The following METTL15 variants were observed in gnomAD, a reference collection of about 807,000 sequenced individuals.
METTL15 encodes the protein methyltransferase 15, mitochondrial 12S rRNA N4-cytidine.
A neutral mutation model predicts 38.3 loss-of-function variants in METTL15; 34 were observed. The ratio of observed to expected loss-of-function variants is 0.89; its 90% CI spans 0.68 to 1.18. The LOEUF (loss-of-function observed/expected upper bound fraction) is 1.18, where lower values mean the gene tolerates loss of function less well. Among genes scored for constraint, METTL15 ranks in the 50% most tolerant of loss-of-function variants. The pLI is 0.00. For missense variants in METTL15, 438 were observed against 498.4 expected (o/e 0.88, Z 1.15); for synonymous variants, 162 against 170.9 (o/e 0.95, Z 0.41).
intron 4 of METTL15, among the ~76,000 whole-genome samples, chr11:28,227,937 A>G (rs957622335): frequency 3.3e-5 from 5 of 151,882 alleles, no homozygotes; most frequent in African/African-American, 1.2e-4. Context: ...CGTTTTAATG[A>G]TATTCTAAAT....
chr11:28,202,161 T>C (rs1852140401), intron 3 of METTL15, among the ~76,000 whole-genome samples: 1 of 151,926 alleles, frequency 6.6e-6, no homozygotes, highest in South Asian at 2.1e-4. Context: ...TTGGTATCAA[T>C]TGTGGGCCTA....
chr11:28,405,709 T>A (rs1398189266), intron 5 of METTL15, among the ~76,000 whole-genome samples: 1 of 152,150 alleles, frequency 6.6e-6, no homozygotes. Flanking sequence ...GAAAATCTCG[T>A]GTGATGAATA....
intron 3 of METTL15, among the ~76,000 whole-genome samples, chr11:28,176,697 G>T (rs1488059706): frequency 6.6e-6 from 1 of 152,046 alleles, no homozygotes; most frequent in East Asian, 1.9e-4. Flanking sequence ...GTGGCCAAGT[G>T]GACTTGGCTA....
intron 6 of METTL15, among the ~76,000 whole-genome samples, chr11:28,521,353 C>T (rs1357631508): frequency 1.3e-5 from 2 of 152,108 alleles, no homozygotes; most frequent in East Asian, 3.8e-4. Context: ...TATGAGTAAA[C>T]AAGGTAATTG....
intron 6 of METTL15, among the ~76,000 whole-genome samples, chr11:28,468,439 A>G (rs1851275721): frequency 6.6e-6 from 1 of 152,212 alleles, no homozygotes; most frequent in African/African-American, 2.4e-5. Flanking sequence ...ACAGCAAAGC[A>G]TGTCAGGCTA....
At chr11:28,386,010 T>C (rs144846359) in intron 5 of METTL15, among the ~76,000 whole-genome samples, 69 of 152,248 alleles carry the variant, frequency 4.5e-4, no homozygotes, top group African/African-American at 1.6e-3. Flanking sequence ...CTAGAGTTTT[T>C]GTATCTGATT....
At chr11:28,118,011 GT>G (rs1230564065) in intron 3 of METTL15, among the ~76,000 whole-genome samples, 1 of 149,104 alleles carries the variant, frequency 6.7e-6, no homozygotes, top group Non-Finnish European at 1.5e-5. Flanking sequence ...TTGTTTTTTT[GT>G]TTTTTTTTGA....
At chr11:28,483,318 C>T (rs900372989) in intron 6 of METTL15, among the ~76,000 whole-genome samples, 34 of 152,134 alleles carry the variant, frequency 2.2e-4, no homozygotes, top group Non-Finnish European at 1.6e-4. Flanking sequence ...GATATTTAGA[C>T]GACTAATTGA....
chr11:28,300,493 TA>T (rs1234387881), intron 6 of METTL15, among the ~76,000 whole-genome samples: 1 of 152,164 alleles, frequency 6.6e-6, no homozygotes, highest in Non-Finnish European at 1.5e-5. Flanking sequence ...CTAGTATAAA[TA>T]ACTACAGTTC....
At chr11:28,187,667 T>C (rs1196374311) in intron 3 of METTL15, among the ~76,000 whole-genome samples, 1 of 150,912 alleles carries the variant, frequency 6.6e-6, no homozygotes, top group Admixed American at 6.6e-5. Context: ...TATGCATAAA[T>C]GAATATGTTT....
At chr11:28,148,212 A>G (rs906971150) in intron 3 of METTL15, among the ~76,000 whole-genome samples, 1 of 151,938 alleles carries the variant, frequency 6.6e-6, no homozygotes, top group Non-Finnish European at 1.5e-5. Context: ...TTCATTAAAG[A>G]TTCTAAACAG....
intron 5 of METTL15, 56 bp downstream of exon 5, chr11:28,290,453 C>T (rs948227414): frequency 4.0e-6 from 6 of 1,510,954 alleles, no homozygotes; most frequent in Non-Finnish European, 4.5e-6. Context: ...GTCAAAAACA[C>T]TCTGAATTTA....
chr11:28,253,551 CTCTT>C (rs1174202029), intron 4 of METTL15, among the ~76,000 whole-genome samples: 1 of 151,996 alleles, frequency 6.6e-6, no homozygotes, highest in African/African-American at 2.4e-5. Flanking sequence ...GTCTTATTAA[CTCTT>C]TCTATTTTTT....
At chr11:28,248,612 AT>A (rs752267505) in intron 4 of METTL15, among the ~76,000 whole-genome samples, 6 of 152,190 alleles carry the variant, frequency 3.9e-5, no homozygotes, top group Non-Finnish European at 8.8e-5. Context: ...CTAAACTATA[AT>A]TTTTTTAGAG....
At chr11:28,146,600 T>C (rs948428110) in intron 3 of METTL15, among the ~76,000 whole-genome samples, 4 of 152,036 alleles carry the variant, frequency 2.6e-5, no homozygotes, top group African/African-American at 4.8e-5. Flanking sequence ...TTGTGATTAA[T>C]TTCTTCCTTG....
chr11:28,293,342 G>C (rs1207050654), intron 5 of METTL15, among the ~76,000 whole-genome samples: 1 of 152,058 alleles, frequency 6.6e-6, no homozygotes, highest in African/African-American at 2.4e-5. Flanking sequence ...TTTTTGTCAG[G>C]TTTGTCAAAG....
intron 6 of METTL15, among the ~76,000 whole-genome samples, chr11:28,507,847 T>C (rs1340401562): frequency 6.6e-6 from 1 of 152,178 alleles, no homozygotes; most frequent in African/African-American, 2.4e-5. Context: ...TATCATAAAC[T>C]CTTCACCACA....
intron 3 of METTL15, among the ~76,000 whole-genome samples, chr11:28,201,722 A>G (rs1852124452): frequency 6.6e-6 from 1 of 151,566 alleles, no homozygotes; most frequent in Non-Finnish European, 1.5e-5. Flanking sequence ...GGGGATCACT[A>G]TATGAGATCA....
At chr11:28,397,736 T>A (rs1330750071) in intron 5 of METTL15, among the ~76,000 whole-genome samples, 4 of 152,158 alleles carry the variant, frequency 2.6e-5, no homozygotes, top group African/African-American at 9.7e-5. Flanking sequence ...ATCCTATTAC[T>A]GAGTATATAC....
Sources: gnomAD v4.1 joint callset for allele counts (sites outside exome capture counted in the v4.1 genomes callset) on GRCh38, gnomAD v4.1.1 for gene constraint, MANE v1.5 for transcripts, NCBI Gene and HGNC (gene_info 2026-07-23, HGNC 2026-07-21) for gene names.